Variants in LEKR1 observed in about 807,000 individuals in gnomAD.
LEKR1 encodes protein LEKR1.
A neutral mutation model predicts 72.4 loss-of-function variants in LEKR1; 59 were observed. The ratio of observed to expected loss-of-function variants is 0.82; its 90% CI spans 0.66 to 1.01. The LOEUF is 1.01. LEKR1 is among the 50% of genes least tolerant of loss of function. The probability of loss-of-function intolerance (pLI) is 0.00; values close to 1 mark genes in which losing one functional copy is unlikely to be tolerated. For missense variants in LEKR1, 728 were observed against 759.2 expected (o/e 0.96, Z 0.48); for synonymous variants, 257 against 263.2 (o/e 0.98, Z 0.23).
intron 3 of LEKR1, among the ~76,000 whole-genome samples, chr3:156,899,443 T>C (rs111211574): frequency 1.9e-3 from 112 of 58,528 alleles, no homozygotes; most frequent in African/African-American, 6.1e-3. Context: ...TATATACATA[T>C]ATACATATAT....
rs775656440 is a variant in LEKR1, at chr3:156,993,292, A to AC, written c.1109+15_1109+16insC. The AC allele has an allele frequency of 6.6e-7, 1 of 1,516,360 alleles. No individual in the cohort carries two copies. Among genetic ancestry groups the AC allele is most frequent in the Non-Finnish European group, 8.9e-7 (1 of 1,119,710 alleles). The allele number at this position is 1,516,360 out of a possible 1,614,324, so 93.9% of individuals were successfully genotyped here. ...AAAAATGAAAGGTGCAGTAAACAAT[A>AC]ATTTCTTACAAAAACATTTTATGTT... is the stretch of plus-strand genomic sequence containing the variant. On this transcript the variant is annotated intron_variant, in intron 9 of 12. Transcript: ENST00000356539.
At chr3:156,936,467 C>CACACA (rs767163001) in intron 5 of LEKR1, among the ~76,000 whole-genome samples, 7,656 of 70,060 alleles carry the variant, frequency 0.11, 293 homozygotes, top group Admixed American at 0.13. Context: ...ACACACACAC[C>CACACA]CCCCGTATGC....
intron 5 of LEKR1, among the ~76,000 whole-genome samples, chr3:156,941,435 T>C (rs1560097066): frequency 1.3e-5 from 2 of 152,110 alleles, no homozygotes; most frequent in East Asian, 3.8e-4. Flanking sequence ...GCTTTACTTC[T>C]CCTATAACCA....
chr3:156,976,255 A>G (rs1729678462), intron 6 of LEKR1, among the ~76,000 whole-genome samples: 1 of 152,202 alleles, frequency 6.6e-6, no homozygotes, highest in South Asian at 2.1e-4. Context: ...AATTAACTGC[A>G]TAAAATTACA....
chr3:156,860,527 A>G (rs1263398927), intron 3 of LEKR1, among the ~76,000 whole-genome samples: 2 of 152,228 alleles, frequency 1.3e-5, no homozygotes, highest in Admixed American at 6.5e-5. Context: ...AAAGGTCCAG[A>G]GATCCAGACT....
At chr3:156,856,501 T>C (rs986503774) in intron 3 of LEKR1, among the ~76,000 whole-genome samples, 1 of 152,158 alleles carries the variant, frequency 6.6e-6, no homozygotes, top group African/African-American at 2.4e-5. Flanking sequence ...TGATTTAGAC[T>C]GGGATTGCAT....
At chr3:156,875,949 C>T (rs367642252) in intron 3 of LEKR1, among the ~76,000 whole-genome samples, 178 of 138,462 alleles carry the variant, frequency 1.3e-3, no homozygotes, top group African/African-American at 4.6e-3. Context: ...GAGCCAAGAT[C>T]GCACCAAGGC....
chr3:156,835,383 C>T (rs1166107287), intron 2 of LEKR1, among the ~76,000 whole-genome samples: 2 of 152,220 alleles, frequency 1.3e-5, no homozygotes, highest in African/African-American at 2.4e-5. Flanking sequence ...GCCAAGAAAG[C>T]GTGCAGCTTC....
At chr3:156,876,788 C>T (rs1240994018) in intron 3 of LEKR1, among the ~76,000 whole-genome samples, 3 of 152,140 alleles carry the variant, frequency 2.0e-5, no homozygotes, top group African/African-American at 7.2e-5. Context: ...TTGACTTCCC[C>T]TTTACCAATT....
chr3:156,897,768 C>T (rs1320513184), intron 3 of LEKR1, among the ~76,000 whole-genome samples: 1 of 152,144 alleles, frequency 6.6e-6, no homozygotes, highest in African/African-American at 2.4e-5. Flanking sequence ...GCCTGGCCAA[C>T]ATGGCCAAAC....
intron 3 of LEKR1, among the ~76,000 whole-genome samples, chr3:156,899,399 TACATATATACATATATAC>T (rs1721607118): frequency 1.2e-5 from 1 of 80,750 alleles, no homozygotes; most frequent in Admixed American, 1.6e-4. Context: ...CATGTATATA[TACATATATACATATATAC>T]ACATATATAC....
intron 3 of LEKR1, among the ~76,000 whole-genome samples, chr3:156,902,130 T>C (rs1219314648): frequency 6.6e-6 from 1 of 152,130 alleles, no homozygotes; most frequent in Non-Finnish European, 1.5e-5. Flanking sequence ...ATGGGTTTTG[T>C]ATTATTTCAA....
intron 12 of LEKR1, among the ~76,000 whole-genome samples, chr3:157,042,456 G>A (rs533190438): frequency 1.1e-4 from 17 of 152,288 alleles, no homozygotes; most frequent in African/African-American, 2.6e-4. Flanking sequence ...ACTTCACTGG[G>A]TATAAAGCAT....
intron 9 of LEKR1, among the ~76,000 whole-genome samples, chr3:157,009,243 C>T (rs1732706393): frequency 6.6e-6 from 1 of 150,712 alleles, no homozygotes; most frequent in South Asian, 2.1e-4. Flanking sequence ...CTCAAACTAT[C>T]CAAAACATTA....
chr3:156,916,116 T>C (rs1723610602), intron 3 of LEKR1, among the ~76,000 whole-genome samples: 1 of 152,206 alleles, frequency 6.6e-6, no homozygotes, highest in South Asian at 2.1e-4. Context: ...TTCATTGATC[T>C]ATGTCTCTGT....
intron 10 of LEKR1, among the ~76,000 whole-genome samples, chr3:157,018,870 T>A (rs1733592509): frequency 6.6e-6 from 1 of 152,256 alleles, no homozygotes; most frequent in Non-Finnish European, 1.5e-5. Flanking sequence ...ATTCATTTAC[T>A]CAGTGAACAT....
At chr3:156,889,003 C>A (rs1009903415) in intron 3 of LEKR1, among the ~76,000 whole-genome samples, 4 of 151,938 alleles carry the variant, frequency 2.6e-5, no homozygotes, top group African/African-American at 9.7e-5. Flanking sequence ...ATCTTGTTTT[C>A]TTTGGCTAGA....
intron 3 of LEKR1, among the ~76,000 whole-genome samples, chr3:156,869,497 T>A (rs1717672555): frequency 6.6e-6 from 1 of 152,140 alleles, no homozygotes; most frequent in African/African-American, 2.4e-5. Flanking sequence ...TTGTATGTCT[T>A]CCTTAGAAAA....
intron 9 of LEKR1, 146 bp downstream of exon 9, chr3:156,993,423 C>A (rs1399278515): frequency 8.2e-6 from 4 of 485,124 alleles, no homozygotes; most frequent in African/African-American, 2.0e-5. Flanking sequence ...TCATTGCATC[C>A]CACCACCTCA....
Sources: gnomAD v4.1 joint callset for allele counts (sites outside exome capture counted in the v4.1 genomes callset) on GRCh38, gnomAD v4.1.1 for gene constraint, MANE v1.5 for transcripts, NCBI Gene and HGNC (gene_info 2026-07-23, HGNC 2026-07-21) for gene names.